The following DDX10 variants were observed in gnomAD, a reference collection of about 807,000 sequenced individuals.
The protein encoded by DDX10 is DEAD-box helicase 10, also known as probable ATP-dependent RNA helicase DDX10.
In DDX10, 74 loss-of-function variants were observed where a neutral mutation model predicts 104.3. The ratio of observed to expected loss-of-function variants is 0.71; its 90% CI spans 0.59 to 0.86. DDX10 has a LOEUF of 0.86. Among genes scored for constraint, DDX10 ranks in the 40% least tolerant of loss-of-function variants. The pLI is 0.00. For synonymous variants in DDX10, 351 were observed against 353.4 expected (o/e 0.99, Z 0.08); for missense variants, 952 against 1,040.0 (o/e 0.92, Z 1.16).
chr11:108,940,588 T>C lies in DDX10; in HGVS notation c.*165T>C. ...ATCTCCAAGTCCCTCTCACAGGACA[T>C]GCTTTGTGCCATCACTGAGCATACT... On this transcript the variant is annotated 3_prime_UTR_variant, in exon 18 of 18. Transcript: ENST00000322536. The C allele has an allele frequency of 1.6e-6, 1 of 631,822 alleles. No individual in the cohort carries two copies. Among genetic ancestry groups the C allele is most frequent in the Non-Finnish European group, 2.6e-6 (1 of 378,316 alleles). 39.1% of individuals were successfully genotyped at this position (631,822 alleles called of 1,614,324 possible).
chr11:108,770,058 A>G (rs551375359), intron 13 of DDX10, among the ~76,000 whole-genome samples: 22 of 152,346 alleles, frequency 1.4e-4, no homozygotes, highest in African/African-American at 4.8e-4. Flanking sequence ...CTGTTGCAAC[A>G]TGTTTCTTTG....
intron 17 of DDX10, among the ~76,000 whole-genome samples, chr11:108,925,542 C>T (rs776477792): frequency 7.2e-5 from 11 of 152,160 alleles, no homozygotes; most frequent in Non-Finnish European, 1.5e-4. Flanking sequence ...TGAGTGACTT[C>T]TTAGGATGTT....
At chr11:108,902,850 A>G (rs1281970367) in intron 16 of DDX10, among the ~76,000 whole-genome samples, 6 of 152,118 alleles carry the variant, frequency 3.9e-5, no homozygotes, top group Non-Finnish European at 5.9e-5. Context: ...AATCCTTTCC[A>G]TTTGTTAAGT....
chr11:108,764,644 G>A (rs1277649018), intron 13 of DDX10, among the ~76,000 whole-genome samples: 1 of 152,116 alleles, frequency 6.6e-6, no homozygotes, highest in East Asian at 1.9e-4. Context: ...ACTCCAGCCT[G>A]GACGAGAGCG....
At chr11:108,716,474 A>G (rs945040339) in intron 11 of DDX10, among the ~76,000 whole-genome samples, 19 of 152,198 alleles carry the variant, frequency 1.2e-4, no homozygotes, top group African/African-American at 4.6e-4. Flanking sequence ...AAGTTTTTTC[A>G]AAGACATATG....
intron 16 of DDX10, among the ~76,000 whole-genome samples, chr11:108,887,654 C>G (rs996306062): frequency 2.0e-5 from 3 of 151,486 alleles, no homozygotes; most frequent in Non-Finnish European, 2.9e-5. Context: ...GTGGCTCATT[C>G]CTATAATTCC....
intron 13 of DDX10, among the ~76,000 whole-genome samples, chr11:108,775,667 C>T (rs2094368946): frequency 6.6e-6 from 1 of 152,118 alleles, no homozygotes; most frequent in African/African-American, 2.4e-5. Context: ...ACTTCAGATA[C>T]TTATTCTCTA....
intron 6 of DDX10, 125 bp from the exon 7 acceptor site, chr11:108,688,811 G>C (rs2094248071): frequency 1.0e-6 from 1 of 962,772 alleles, no homozygotes; most frequent in African/African-American, 1.6e-5. Context: ...TCTTTTTTTG[G>C]TGTATGTGTG....
chr11:108,689,014 A>G lies in DDX10; in HGVS notation c.927A>G (p.Arg309=), dbSNP rs2134448456. 6.2e-7 allele frequency: 1 copy of G among 1,614,112 alleles called. No individual in the cohort carries two copies. Among genetic ancestry groups the G allele is most frequent in the Non-Finnish European group, 8.5e-7 (1 of 1,179,946 alleles). Residue 309 remains arginine (R), a synonymous_variant, in exon 7 of 18, where the codon AGA becomes AGG. Transcript: ENST00000322536. ...QKISVLYSFL[R]SHLKKKSIVF... is the part of the protein sequence containing the mutation. ...TAAGTGTGCTGTATTCCTTTTTGAGAAGCCATCTGAAGAAGAAGAGCATTG... is the reference window on the plus strand; with the variant it reads ...TAAGTGTGCTGTATTCCTTTTTGAGGAGCCATCTGAAGAAGAAGAGCATTG...
intron 10 of DDX10, among the ~76,000 whole-genome samples, chr11:108,707,288 C>T (rs2094277447): frequency 6.6e-6 from 1 of 152,158 alleles, no homozygotes; most frequent in African/African-American, 2.4e-5. Flanking sequence ...TCCCCCTGAA[C>T]CTCTGACAAC....
intron 13 of DDX10, among the ~76,000 whole-genome samples, chr11:108,776,053 A>G (rs1344438954): frequency 1.3e-5 from 2 of 152,142 alleles, no homozygotes; most frequent in African/African-American, 4.8e-5. Flanking sequence ...GTTCACTTGT[A>G]TATGGACATT....
chr11:108,699,874 A>C (rs2094265138), intron 9 of DDX10, among the ~76,000 whole-genome samples: 1 of 152,208 alleles, frequency 6.6e-6, no homozygotes, highest in African/African-American at 2.4e-5. Flanking sequence ...TTCTTGCCAA[A>C]TTAGGGCATG....
chr11:108,716,484 G>C (rs1475349094), intron 11 of DDX10, among the ~76,000 whole-genome samples: 1 of 152,130 alleles, frequency 6.6e-6, no homozygotes, highest in Non-Finnish European at 1.5e-5. Context: ...AAAGACATAT[G>C]GAAAATCCTC....
chr11:108,720,895 G>GTT lies in DDX10; in HGVS notation c.1499+1025_1499+1026dup, dbSNP rs35211888. Among the ~76,000 whole-genome samples the GTT allele has an allele frequency of 2.5e-3, 354 of 142,488 alleles. 3 individuals are homozygous for GTT. Among genetic ancestry groups the GTT allele is most frequent in the Middle Eastern group, 7.5e-3 (2 of 266 alleles). 93.5% of individuals were successfully genotyped at this position (142,488 alleles called of 152,430 possible). Reference sequence around the variant, plus strand: ...GGTGTGAGCCACTGTGCCTGGCCGGGTTTTTTTTTTTTTTTTAAACCTTTT... The same window carrying GTT: ...GGTGTGAGCCACTGTGCCTGGCCGGGTTTTTTTTTTTTTTTTTTAAACCTTTT... On this transcript the variant is annotated intron_variant, in intron 12 of 17. Coordinates refer to ENST00000322536, the MANE Select transcript of DDX10 (RefSeq NM_004398.4).
chr11:108,928,341 G>T (rs1218405864), intron 17 of DDX10, among the ~76,000 whole-genome samples: 5 of 152,146 alleles, frequency 3.3e-5, no homozygotes, highest in African/African-American at 1.2e-4. Flanking sequence ...ATCCTGGCAG[G>T]GTGTTCTCAG....
Position 108,686,823 on chromosome 11 carries a change from C to T in DDX10, c.849-2113C>T, listed in dbSNP as rs542327110. Among the ~76,000 whole-genome samples, 13 of 152,246 alleles carry T rather than the reference C, an allele frequency of 8.5e-5. No homozygotes were observed. The South Asian group carries it at 1.2e-3, about 15-fold the overall frequency. Reference sequence around the variant, plus strand: ...TTTTTGAGACAGAGTCTTGCTCTGTCGCCCAGGCTGGAGTGCAGTGGCATA... The same window carrying T: ...TTTTTGAGACAGAGTCTTGCTCTGTTGCCCAGGCTGGAGTGCAGTGGCATA... On this transcript the variant is annotated intron_variant, in intron 6 of 17. Transcript: ENST00000322536.
chr11:108,673,175 A>C (rs1269583900), intron 1 of DDX10, among the ~76,000 whole-genome samples: 1 of 152,142 alleles, frequency 6.6e-6, no homozygotes, highest in African/African-American at 2.4e-5. Context: ...GTGGTTGGTG[A>C]TGCTTTACTG....
chr11:108,875,877 G>C (rs1863147342), intron 16 of DDX10, among the ~76,000 whole-genome samples: 1 of 152,092 alleles, frequency 6.6e-6, no homozygotes, highest in South Asian at 2.1e-4. Context: ...AAGTATCTGT[G>C]GGTTTCACTG....
chr11:108,821,836 T>C (rs527943522), intron 13 of DDX10, among the ~76,000 whole-genome samples: 84 of 152,346 alleles, frequency 5.5e-4, no homozygotes, highest in Non-Finnish European at 1.2e-3. Flanking sequence ...AGGAATCTAA[T>C]TAGATTGGCA....
Sources: allele counts gnomAD v4.1 joint callset (sites outside exome capture counted in the v4.1 genomes callset), GRCh38; gene constraint gnomAD v4.1.1; transcripts MANE v1.5; gene names NCBI Gene and HGNC (gene_info 2026-07-23, HGNC 2026-07-21).